The following SUCLG2 variants were observed in gnomAD, a reference collection of about 807,000 sequenced individuals.
The protein encoded by SUCLG2 is succinate--CoA ligase [GDP-forming] subunit beta, mitochondrial.
In SUCLG2, 42 loss-of-function variants were observed where a neutral mutation model predicts 47.9. That is an observed-to-expected ratio of 0.88 (90% CI 0.69 to 1.14). The LOEUF is 1.14. Among genes scored for constraint, SUCLG2 ranks in the 50% most tolerant of loss-of-function variants. SUCLG2 has a pLI of 0.00. For missense variants in SUCLG2, 571 were observed against 525.9 expected, an observed-to-expected ratio of 1.09 and a Z score of -0.84; for synonymous variants, 195 against 197.3, an observed-to-expected ratio of 0.99 and a Z score of 0.10.
intron 1 of SUCLG2, among the ~76,000 whole-genome samples, chr3:67,612,191 T>G (rs909556703): frequency 6.6e-6 from 1 of 152,210 alleles, no homozygotes; most frequent in Middle Eastern, 3.4e-3. Flanking sequence ...AGACCCTGCC[T>G]CTACAGAAAG....
At chr3:67,619,845 G>C (rs1700702711) in intron 1 of SUCLG2, among the ~76,000 whole-genome samples, 1 of 152,252 alleles carries the variant, frequency 6.6e-6, no homozygotes, top group Admixed American at 6.5e-5. Flanking sequence ...TAGCATATTA[G>C]CACAACAGCA....
chr3:67,396,403 A>T (rs1311772522), intron 10 of SUCLG2, among the ~76,000 whole-genome samples: 1 of 152,152 alleles, frequency 6.6e-6, no homozygotes, highest in Non-Finnish European at 1.5e-5. Context: ...CCTCTACGCA[A>T]ATAAACTAGA....
chr3:67,533,283 T>C (rs1027145886), intron 2 of SUCLG2, among the ~76,000 whole-genome samples: 35 of 152,332 alleles, frequency 2.3e-4, no homozygotes, highest in Middle Eastern at 6.8e-3. Context: ...TTTTCTAAAT[T>C]ATAATACTTT....
At chr3:67,573,233 C>T (rs772664571) in intron 2 of SUCLG2, among the ~76,000 whole-genome samples, 7 of 152,026 alleles carry the variant, frequency 4.6e-5, no homozygotes, top group Non-Finnish European at 1.0e-4. Flanking sequence ...GGCCATACTC[C>T]CACAATTGAT....
intron 1 of SUCLG2, among the ~76,000 whole-genome samples, chr3:67,638,032 T>C (rs1307793685): frequency 6.6e-6 from 1 of 152,222 alleles, no homozygotes; most frequent in African/African-American, 2.4e-5. Flanking sequence ...ACATATATGA[T>C]AAGTATTTTT....
At chr3:67,457,798 T>G (rs181291917) in intron 9 of SUCLG2, among the ~76,000 whole-genome samples, 1 of 149,464 alleles carries the variant, frequency 6.7e-6, no homozygotes, top group Non-Finnish European at 1.5e-5. Flanking sequence ...TTACCATGCA[T>G]GAGACACAGT....
At chr3:67,625,045 A>C (rs1700802099) in intron 1 of SUCLG2, among the ~76,000 whole-genome samples, 1 of 152,242 alleles carries the variant, frequency 6.6e-6, no homozygotes, top group African/African-American at 2.4e-5. Context: ...AGAACCTAAG[A>C]AACATCAAGA....
At chr3:67,638,215 T>C (rs1331134346) in intron 1 of SUCLG2, among the ~76,000 whole-genome samples, 2 of 152,172 alleles carry the variant, frequency 1.3e-5, no homozygotes, top group Non-Finnish European at 2.9e-5. Context: ...AAAATGAAGA[T>C]AAATGATAGA....
intron 10 of SUCLG2, among the ~76,000 whole-genome samples, chr3:67,379,712 TTGGGCTGACACCTCTCTCCAC>T (rs1209245748): frequency 1.3e-5 from 2 of 152,206 alleles, no homozygotes; most frequent in Non-Finnish European, 2.9e-5. Context: ...CAGAGCTCTG[TTGGGCTGACACCTCTCTCCAC>T]TGGGCTGACA....
At chr3:67,554,084 C>T (rs1447636831) in intron 2 of SUCLG2, among the ~76,000 whole-genome samples, 2 of 152,160 alleles carry the variant, frequency 1.3e-5, no homozygotes, top group South Asian at 2.1e-4. Flanking sequence ...CCCTCTCGGT[C>T]GGGGTAGGTG....
chr3:67,613,687 G>A (rs1700573681), intron 1 of SUCLG2, among the ~76,000 whole-genome samples: 1 of 152,146 alleles, frequency 6.6e-6, no homozygotes, highest in African/African-American at 2.4e-5. Flanking sequence ...TGTTACTATT[G>A]CACAACCTTT....
intron 1 of SUCLG2, among the ~76,000 whole-genome samples, chr3:67,632,130 TACAAATAAATAG>T (rs1700936544): frequency 6.6e-6 from 1 of 152,120 alleles, no homozygotes; most frequent in African/African-American, 2.4e-5. Flanking sequence ...ATATATTATG[TACAAATAAATAG>T]ACAAATAAGC....
At chr3:67,397,030 A>G (rs1421188364) in intron 10 of SUCLG2, among the ~76,000 whole-genome samples, 1 of 151,448 alleles carries the variant, frequency 6.6e-6, no homozygotes, top group East Asian at 1.9e-4. Context: ...TCTCAAAATA[A>G]TAAGAGCTAT....
At chr3:67,383,433 C>G (rs191982177) in intron 10 of SUCLG2, among the ~76,000 whole-genome samples, 2 of 152,130 alleles carry the variant, frequency 1.3e-5, no homozygotes, top group Non-Finnish European at 2.9e-5. Context: ...ATGCTTTGTA[C>G]CCCTAACATT....
intron 1 of SUCLG2, among the ~76,000 whole-genome samples, chr3:67,627,448 A>G (rs1445085917): frequency 6.6e-6 from 1 of 152,222 alleles, no homozygotes; most frequent in Non-Finnish European, 1.5e-5. Context: ...TTTGGGATTC[A>G]ATGTAGTAAA....
intron 1 of SUCLG2, among the ~76,000 whole-genome samples, chr3:67,639,019 C>A (rs1490290490): frequency 6.6e-6 from 1 of 152,088 alleles, no homozygotes; most frequent in Non-Finnish European, 1.5e-5. Context: ...TATTCCGTGG[C>A]CTTGTCCAGC....
intron 9 of SUCLG2, among the ~76,000 whole-genome samples, chr3:67,460,291 G>T (rs1704300682): frequency 1.3e-5 from 2 of 152,092 alleles, no homozygotes; most frequent in African/African-American, 4.8e-5. Flanking sequence ...TTACAATCTG[G>T]TTCACACAAT....
chr3:67,369,787 C>A (rs1426486049), downstream of SUCLG2, among the ~76,000 whole-genome samples: 1 of 152,188 alleles, frequency 6.6e-6, no homozygotes, highest in African/African-American at 2.4e-5. Flanking sequence ...TCACATAGAT[C>A]AGCCCAGGCA....
chr3:67,366,840 G>A (rs190023104), intron 10 of SUCLG2, among the ~76,000 whole-genome samples: 1 of 152,230 alleles, frequency 6.6e-6, no homozygotes, highest in Non-Finnish European at 1.5e-5. Context: ...TGTTTTTGAG[G>A]TGCTGATTGT....
Sources: gnomAD v4.1 joint callset for allele counts (sites outside exome capture counted in the v4.1 genomes callset) on GRCh38, gnomAD v4.1.1 for gene constraint, MANE v1.5 for transcripts, NCBI Gene and HGNC (gene_info 2026-07-23, HGNC 2026-07-21) for gene names.